CYB5A: variants seen among roughly 807,000 people sequenced by gnomAD.
CYB5A encodes cytochrome b5.
A neutral mutation model predicts 16.2 loss-of-function variants in CYB5A; 10 were observed. That is an observed-to-expected ratio of 0.62 (90% CI 0.38 to 1.04). The LOEUF (loss-of-function observed/expected upper bound fraction) is 1.04. Ranked by LOEUF, CYB5A falls within the 50% of genes least tolerant of loss-of-function variation. The pLI, the probability that CYB5A is intolerant of heterozygous loss-of-function variation, is 0.01. For missense variants in CYB5A, 161 were observed against 165.9 expected (o/e 0.97, Z 0.16); for synonymous variants, 62 against 57.0 (o/e 1.09, Z -0.40).
At chr18:74,261,591 G>A (rs1982202246) in intron 2 of CYB5A, 1 of 152,854 alleles carries the variant, frequency 6.5e-6, no homozygotes, top group Non-Finnish European at 1.5e-5. Flanking sequence ...AAATATCGGG[G>A]CAAATAAACT....
chr18:74,286,501 T>C (rs758253384), intron 1 of CYB5A, among the ~76,000 whole-genome samples: 1 of 152,228 alleles, frequency 6.6e-6, no homozygotes, highest in Non-Finnish European at 1.5e-5. Context: ...AAATGCCTTC[T>C]CTACATATTT....
chr18:74,271,808 G>T (rs1982679356), intron 1 of CYB5A, among the ~76,000 whole-genome samples: 1 of 152,150 alleles, frequency 6.6e-6, no homozygotes, highest in Non-Finnish European at 1.5e-5. Context: ...AACTACTCTG[G>T]CATAATACGC....
At chr18:74,291,442 G>A (rs1164611076) in intron 1 of CYB5A, among the ~76,000 whole-genome samples, 1 of 134,548 alleles carries the variant, frequency 7.4e-6, no homozygotes, top group Non-Finnish European at 1.7e-5. Flanking sequence ...AGGTGTGCAC[G>A]CGCAGGTGTG....
At chr18:74,285,401 T>C (rs1983279747) in intron 1 of CYB5A, among the ~76,000 whole-genome samples, 1 of 152,230 alleles carries the variant, frequency 6.6e-6, no homozygotes, top group Non-Finnish European at 1.5e-5. Context: ...AGCTTCACTT[T>C]TAAGAGAATT....
At chr18:74,291,184 T>C in intron 1 of CYB5A, 1 of 187,822 alleles carries the variant, frequency 5.3e-6, no homozygotes, top group East Asian at 1.6e-4. Flanking sequence ...GGGTGGGTGG[T>C]CTCCAGCCGG....
chr18:74,279,513 G>A lies in CYB5A; in HGVS notation c.129+12234C>T, dbSNP rs1983008528. Among the ~76,000 whole-genome samples the A allele has an allele frequency of 2.0e-5, 3 of 152,350 alleles. No homozygotes were observed. The South Asian group carries it at 6.2e-4, about 32-fold the overall frequency. On this transcript the variant is annotated intron_variant, in intron 1 of 4. Transcript: ENST00000340533. ...CCACTGCACTCCAGCCTGGGCGACA[G>A]AGTGAGACTCCGTCTCAAAAATAAA... is the stretch of plus-strand genomic sequence containing the variant.
chr18:74,283,841 G>A (rs553471116), intron 1 of CYB5A, among the ~76,000 whole-genome samples: 1 of 152,286 alleles, frequency 6.6e-6, no homozygotes, highest in South Asian at 2.1e-4. Context: ...TCGTCTGTGG[G>A]ACTTGCTGAG....
chr18:74,277,911 C>A (rs1161285006), intron 1 of CYB5A, among the ~76,000 whole-genome samples: 2 of 152,206 alleles, frequency 1.3e-5, no homozygotes, highest in East Asian at 3.9e-4. Context: ...TGGAAGAGAG[C>A]ACCTGGAGTT....
chr18:74,291,836 G>C lies in CYB5A; in HGVS notation c.40C>G (p.Leu14Val). The change falls in exon 1 of 5, where the codon CTA (leucine) becomes GTA (valine). Residue 14 changes from leucine (L) to valine (V), a missense_variant. Physicochemically the swap from Leu to Val is conservative, Grantham distance 32. Transcript: ENST00000340533. Reference protein sequence around the residue: ...QSDEAVKYYTLEEIQKHNHSK... With the variant: ...QSDEAVKYYTVEEIQKHNHSK... ...TGGTTGTGCTTCTGAATCTCCTCTAGGGTGTAGTACTTCACGGCCTCGTCC... is the reference window on the plus strand; with the variant it reads ...TGGTTGTGCTTCTGAATCTCCTCTACGGTGTAGTACTTCACGGCCTCGTCC... 4 of 1,613,834 alleles carry C rather than the reference G, an allele frequency of 2.5e-6. No homozygotes were observed. Among genetic ancestry groups the C allele is most frequent in the Non-Finnish European group, 3.4e-6 (4 of 1,179,878 alleles).
chr18:74,281,249 G>A (rs565309685), intron 1 of CYB5A, among the ~76,000 whole-genome samples: 1 of 152,304 alleles, frequency 6.6e-6, no homozygotes, highest in Non-Finnish European at 1.5e-5. Flanking sequence ...CCCACGTTAG[G>A]GTGAGAAGCC....
In CYB5A at chr18:74,280,756, T is replaced by C. The variant is rs527815972; in HGVS notation, c.129+10991A>G. 5.3e-5 allele frequency among the ~76,000 whole-genome samples: 8 copies of C among 152,320 alleles called. No individual in the cohort carries two copies. The East Asian group carries it at 1.5e-3, about 29-fold the overall frequency. ...CTCTATCGACTTGCTTTTCCATCTC[T>C]GTCAACAATGAGGTGGAAATCTTTG... On this transcript the variant is annotated intron_variant, in intron 1 of 4. Coordinates refer to ENST00000340533, the MANE Select transcript of CYB5A (RefSeq NM_148923.4).
At chr18:74,289,094 C>T (rs935249763) in intron 1 of CYB5A, among the ~76,000 whole-genome samples, 9 of 152,226 alleles carry the variant, frequency 5.9e-5, no homozygotes, top group Admixed American at 3.9e-4. Flanking sequence ...CCCCAGCCTC[C>T]TCACTCACGC....
intron 1 of CYB5A, among the ~76,000 whole-genome samples, chr18:74,278,826 G>C (rs1378990184): frequency 6.6e-6 from 1 of 152,196 alleles, no homozygotes; most frequent in East Asian, 1.9e-4. Flanking sequence ...TAAATGTTTG[G>C]TCTAAAACGT....
At position 74,291,747 on chromosome 18, in the gene CYB5A, C is replaced by G; in HGVS notation, c.129G>C (p.Glu43Asp). Residue 43 changes from glutamate to aspartate, a missense_variant and splice_region_variant, in exon 1 of 5, where the codon GAG (glutamate) becomes GAC (aspartate). By Grantham distance (45) the Glu-to-Asp change is conservative. Transcript: ENST00000340533. ...KVYDLTKFLE[E>D]HPGGEEVLRE... ...CCCAAGCCGCTCATCCCCAACTCAC[C>G]TCTTCCAGAAATTTGGTCAAATCGT... is the stretch of plus-strand genomic sequence containing the variant. The G allele has an allele frequency of 6.2e-7, 1 of 1,613,866 alleles. No homozygotes were observed. The highest frequency in any genetic ancestry group is 8.5e-7 in the Non-Finnish European group (1 of 1,179,792).
intron 1 of CYB5A, among the ~76,000 whole-genome samples, chr18:74,288,552 C>A (rs1310607944): frequency 6.6e-6 from 1 of 152,166 alleles, no homozygotes; most frequent in Non-Finnish European, 1.5e-5. Flanking sequence ...GAAAGAGGAT[C>A]GGGCAAGCGG....
intron 1 of CYB5A, among the ~76,000 whole-genome samples, chr18:74,278,444 A>G (rs1436087789): frequency 6.6e-6 from 1 of 152,244 alleles, no homozygotes; most frequent in African/African-American, 2.4e-5. Flanking sequence ...ATATTGCCAC[A>G]GAGACTATGT....
At chr18:74,266,600 C>A (rs1788627) in intron 1 of CYB5A, among the ~76,000 whole-genome samples, 1 of 152,116 alleles carries the variant, frequency 6.6e-6, no homozygotes, top group African/African-American at 2.4e-5. Flanking sequence ...GGGGTAATTC[C>A]ACAGTCTTAA....
chr18:74,263,608 C>CGATAAATGTG, intron 1 of CYB5A, 131 bp from the exon 2 acceptor site: 1 of 797,404 alleles, frequency 1.3e-6, no homozygotes, highest in Middle Eastern at 2.5e-4. Flanking sequence ...ACTAACTTGT[C>CGATAAATGTG]CATAAATGTG....
intron 1 of CYB5A, among the ~76,000 whole-genome samples, chr18:74,286,758 G>A (rs1471603534): frequency 6.6e-6 from 1 of 152,216 alleles, no homozygotes; most frequent in Admixed American, 6.5e-5. Context: ...TCTTCACCAG[G>A]AGGACTTTTC....
Sources: allele counts gnomAD v4.1 joint callset (sites outside exome capture counted in the v4.1 genomes callset), GRCh38; gene constraint gnomAD v4.1.1; transcripts MANE v1.5; gene names NCBI Gene and HGNC (gene_info 2026-07-23, HGNC 2026-07-21).